CASK: variants seen among roughly 807,000 people sequenced by gnomAD.
CASK encodes the protein calcium/calmodulin dependent serine protein kinase.
CASK carries 4 observed loss-of-function variants against 82.9 expected under a neutral mutation model. That is an observed-to-expected ratio of 0.05 (90% CI 0.02 to 0.11). The LOEUF is 0.11. Among genes scored for constraint, CASK ranks in the 10% least tolerant of loss-of-function variants. The pLI, the probability that CASK is intolerant of heterozygous loss-of-function variation, is 1.00. For missense variants in CASK, 358 were observed against 720.9 expected, an observed-to-expected ratio of 0.50 and a Z score of 5.76; for synonymous variants, 259 against 253.5, an observed-to-expected ratio of 1.02 and a Z score of -0.20.
intron 10 of CASK, among the ~76,000 whole-genome samples, chrX:41,625,992 TG>T (rs1424116608): frequency 1.1e-5 from 1 of 94,864 alleles, no homozygotes; most frequent in Non-Finnish European, 2.1e-5. Context: ...TTTGCAGAGA[TG>T]GGGTTTTGCC....
chrX:41,869,105 G>A (rs2071646765), intron 1 of CASK, among the ~76,000 whole-genome samples: 1 of 111,199 alleles, frequency 9.0e-6, no homozygotes, highest in Non-Finnish European at 1.9e-5. Context: ...GGAGAAAAAG[G>A]GAACTCACAG....
At chrX:41,561,466 G>C in intron 17 of CASK, 93 bp downstream of exon 17, 1 of 613,875 alleles carries the variant, frequency 1.6e-6, no homozygotes. Context: ...GAAATTCTCT[G>C]ATTACAGAAG....
chrX:41,862,542 GAAAAAAAAAAAA>G (rs35462461), intron 1 of CASK, among the ~76,000 whole-genome samples: 11 of 32,863 alleles, frequency 3.3e-4, no homozygotes, highest in Non-Finnish European at 5.6e-4. Context: ...CTCTGTCTCA[GAAAAAAAAAAAA>G]AAAAAAAAAA....
intron 2 of CASK, among the ~76,000 whole-genome samples, chrX:41,787,922 G>A (rs956089310): frequency 9.0e-6 from 1 of 110,601 alleles, no homozygotes; most frequent in Non-Finnish European, 1.9e-5. Context: ...TTGGGAGGCC[G>A]AGACAGGTGG....
intron 6 of CASK, among the ~76,000 whole-genome samples, chrX:41,669,369 AT>A (rs1374028896): frequency 3.6e-5 from 4 of 111,186 alleles, no homozygotes. Context: ...TAATGCATCT[AT>A]TTTCCCCCCC....
At chrX:41,805,277 A>G (rs2070093979) in intron 2 of CASK, among the ~76,000 whole-genome samples, 1 of 112,050 alleles carries the variant, frequency 8.9e-6, no homozygotes, top group African/African-American at 3.2e-5. Flanking sequence ...CTGAATTAAA[A>G]AAGGTTTTTT....
chrX:41,727,793 T>G (rs201113155), intron 5 of CASK: 7 of 1,202,806 alleles, frequency 5.8e-6, no homozygotes, highest in Middle Eastern at 2.3e-4. Flanking sequence ...GTCATCCAGA[T>G]TCTACTAATA....
At chrX:41,539,580 A>T (rs1177373064) in intron 22 of CASK, among the ~76,000 whole-genome samples, 1 of 112,320 alleles carries the variant, frequency 8.9e-6, no homozygotes, top group Non-Finnish European at 1.9e-5. Context: ...GATATTTCTA[A>T]GTTCTCAAAG....
chrX:41,729,234 C>T (rs1002155560), intron 5 of CASK: 3 of 122,917 alleles, frequency 2.4e-5, no homozygotes, highest in South Asian at 3.7e-4. Context: ...ATCCTCTGTA[C>T]GTGTTAATTT....
chrX:41,777,579 T>C (rs2069389723), intron 3 of CASK, among the ~76,000 whole-genome samples: 1 of 110,686 alleles, frequency 9.0e-6, no homozygotes, highest in South Asian at 3.8e-4. Context: ...GCTAGGGATA[T>C]AAAAAGCACA....
chrX:41,641,725 T>A (rs1047607369), intron 8 of CASK, among the ~76,000 whole-genome samples: 1 of 110,221 alleles, frequency 9.1e-6, no homozygotes, highest in Non-Finnish European at 1.9e-5. Context: ...AAACTTTACT[T>A]TTATTTATTT....
intron 1 of CASK, among the ~76,000 whole-genome samples, chrX:41,873,706 A>G (rs779143695): frequency 1.8e-5 from 2 of 111,425 alleles, no homozygotes; most frequent in Non-Finnish European, 3.8e-5. Context: ...TGGTGCTTCT[A>G]CAATACACAA....
intron 9 of CASK, among the ~76,000 whole-genome samples, chrX:41,629,962 G>T (rs939225431): frequency 9.0e-6 from 1 of 111,586 alleles, no homozygotes; most frequent in Admixed American, 9.6e-5. Flanking sequence ...TAATTTAGAA[G>T]GTATAATTTA....
chrX:41,840,332 G>A (rs2071009131), intron 2 of CASK, among the ~76,000 whole-genome samples: 1 of 111,729 alleles, frequency 9.0e-6, no homozygotes, highest in Admixed American at 9.5e-5. Context: ...TCAATTTTTT[G>A]GTGTTAATAT....
At chrX:41,906,480 G>C (rs1211973065) in intron 1 of CASK, among the ~76,000 whole-genome samples, 2 of 111,844 alleles carry the variant, frequency 1.8e-5, no homozygotes, top group African/African-American at 3.3e-5. Context: ...CCTTTAAAAT[G>C]GTTCAAAATC....
At chrX:41,689,546 T>C (rs923682188) in intron 5 of CASK, among the ~76,000 whole-genome samples, 7 of 111,836 alleles carry the variant, frequency 6.3e-5, no homozygotes, top group African/African-American at 2.3e-4. Flanking sequence ...CCAGACCATA[T>C]AACATTTAAG....
rs748200462 is a variant in CASK at position 41,781,289 on chromosome X, A to G, written c.278+5889T>C. 4.5e-5 allele frequency among the ~76,000 whole-genome samples: 5 copies of G among 112,159 alleles called. No homozygotes were observed. In the South Asian group the frequency reaches 1.8e-3, roughly 41 times the overall value. On this transcript the variant is annotated intron_variant, in intron 3 of 26. Coordinates refer to ENST00000378163, the MANE Select transcript of CASK (RefSeq NM_001367721.1). ...ATGATAAACAACATTCTCGGGCCATATAATTTCATGACTTCAGTTTAGGAA... is the reference window on the plus strand; with the variant it reads ...ATGATAAACAACATTCTCGGGCCATGTAATTTCATGACTTCAGTTTAGGAA...
Position 41,516,782 on chromosome X carries a change from A to G in CASK, c.*3638T>C, listed in dbSNP as rs1020765948. On this transcript the variant is annotated 3_prime_UTR_variant, in exon 27 of 27. Transcript: ENST00000378163. ...CAGTGTGGGAGGCATTTCTATTAAG[A>G]ATTTGTTAATCAAGCAGTTTTCTTG... 3 of 111,043 alleles carry G rather than the reference A, an allele frequency of 2.7e-5. No homozygotes were observed. The highest frequency in any genetic ancestry group is 9.8e-5 in the African/African-American group (3 of 30,480). The allele number at this position is 111,043 out of a possible 1,213,427, so 9.2% of individuals were successfully genotyped here. A position where few individuals can be genotyped will look rare whatever the true frequency, so the allele number is the denominator to read the frequency against.
At position 41,613,191 on chromosome X, in the gene CASK, G is replaced by C. The variant is rs761446597; in HGVS notation, c.1034-3166C>G. 2.4e-3 allele frequency among the ~76,000 whole-genome samples: 265 copies of C among 112,230 alleles called. 1 individual carries two copies. Among genetic ancestry groups the C allele is most frequent in the South Asian group, 8.9e-3 (24 of 2,702 alleles). On this transcript the variant is annotated intron_variant, in intron 11 of 26. Transcript: ENST00000378163. ...AATGGCGGTTTTGTGGAATGGAAAG[G>C]GGGGAAAGGTGGGGAAAAGATTGAG...
Sources: gnomAD v4.1 joint callset for allele counts (sites outside exome capture counted in the v4.1 genomes callset) on GRCh38, gnomAD v4.1.1 for gene constraint, MANE v1.5 for transcripts, NCBI Gene and HGNC (gene_info 2026-07-23, HGNC 2026-07-21) for gene names.